The following RFX4 variants were observed in gnomAD, a reference collection of about 807,000 sequenced individuals.
The protein encoded by RFX4 is regulatory factor X4, also known as transcription factor RFX4.
A neutral mutation model predicts 95.0 loss-of-function variants in RFX4; 10 were observed. The ratio of observed to expected loss-of-function variants is 0.11; its 90% CI spans 0.06 to 0.18. The LOEUF (loss-of-function observed/expected upper bound fraction) is 0.18. Ranked by LOEUF, RFX4 falls within the 10% of genes least tolerant of loss-of-function variation. The probability of loss-of-function intolerance (pLI) is 1.00; values close to 1 mark genes in which losing one functional copy is unlikely to be tolerated. For synonymous variants in RFX4, 321 were observed against 340.7 expected, an observed-to-expected ratio of 0.94 and a Z score of 0.64; for missense variants, 640 against 922.0, an observed-to-expected ratio of 0.69 and a Z score of 3.96.
chr12:106,600,866 C>A (rs1239508591), intron 1 of RFX4, among the ~76,000 whole-genome samples: 1 of 152,158 alleles, frequency 6.6e-6, no homozygotes, highest in African/African-American at 2.4e-5. Flanking sequence ...AAAAAGCACC[C>A]CCACCTCTCT....
At chr12:106,610,167 G>A (rs1188119903) in intron 2 of RFX4, among the ~76,000 whole-genome samples, 1 of 150,050 alleles carries the variant, frequency 6.7e-6, no homozygotes, top group South Asian at 2.1e-4. Flanking sequence ...GAACCTGGGA[G>A]GCAGAGCTTG....
intron 2 of RFX4, among the ~76,000 whole-genome samples, chr12:106,630,024 G>A (rs1391585752): frequency 6.6e-6 from 1 of 152,176 alleles, no homozygotes; most frequent in Non-Finnish European, 1.5e-5. Flanking sequence ...TATGTTTATT[G>A]ATTAAAACTG....
At position 106,762,700 on chromosome 12, in the gene RFX4, C is replaced by T. The variant is rs1251647659; in HGVS notation, c.*1231C>T. 6.6e-6 allele frequency: 1 copy of T among 152,528 alleles called. No homozygotes were observed. The highest frequency in any genetic ancestry group is 1.5e-5 in the Non-Finnish European group (1 of 68,036). The allele number at this position is 152,528 out of a possible 1,614,324, so 9.4% of individuals were successfully genotyped here. ...GTAAATAAAATCTTTGATCACACCA[C>T]TCAGTGTGATAATTGTGTCTACAGC... On this transcript the variant is annotated 3_prime_UTR_variant, in exon 18 of 18. Transcript: ENST00000392842.
At chr12:106,619,363 CT>C (rs1275607522) in intron 2 of RFX4, among the ~76,000 whole-genome samples, 1 of 152,070 alleles carries the variant, frequency 6.6e-6, no homozygotes, top group South Asian at 2.1e-4. Context: ...GTTGGTGAGA[CT>C]TTTTTTAATT....
At chr12:106,689,626 C>T (rs945206308) in intron 7 of RFX4, among the ~76,000 whole-genome samples, 5 of 152,120 alleles carry the variant, frequency 3.3e-5, no homozygotes, top group Admixed American at 2.6e-4. Flanking sequence ...CCTATCAGCA[C>T]ACTAGGAAGA....
At chr12:106,751,398 C>T (rs1162957672) in intron 17 of RFX4, among the ~76,000 whole-genome samples, 3 of 149,476 alleles carry the variant, frequency 2.0e-5, no homozygotes, top group South Asian at 2.2e-4. Flanking sequence ...AATAAACATA[C>T]GTGTGCATGT....
chr12:106,707,953 C>A (rs1240258372), intron 8 of RFX4, among the ~76,000 whole-genome samples: 1 of 152,030 alleles, frequency 6.6e-6, no homozygotes, highest in Admixed American at 6.5e-5. Context: ...GCCAACATGG[C>A]GAAAGCCCAT....
intron 1 of RFX4, among the ~76,000 whole-genome samples, chr12:106,590,434 A>G (rs1310116423): frequency 2.0e-5 from 3 of 152,202 alleles, no homozygotes; most frequent in Admixed American, 6.5e-5. Flanking sequence ...AAATAGAGAA[A>G]CCAACAAGTT....
intron 2 of RFX4, 93 bp from the exon 3 acceptor site, chr12:106,639,239 C>A: frequency 9.6e-7 from 1 of 1,037,188 alleles, no homozygotes. Flanking sequence ...TTCAAAGAAA[C>A]ATAGTCTTTT....
chr12:106,668,037 C>T (rs913915483), intron 4 of RFX4, among the ~76,000 whole-genome samples: 1 of 152,138 alleles, frequency 6.6e-6, no homozygotes, highest in Non-Finnish European at 1.5e-5. Context: ...AGATGTCCCC[C>T]CCATGCCTCA....
intron 2 of RFX4, among the ~76,000 whole-genome samples, chr12:106,617,025 C>T (rs1274246551): frequency 1.3e-5 from 2 of 152,128 alleles, no homozygotes; most frequent in Non-Finnish European, 2.9e-5. Flanking sequence ...GCCTCAGCTT[C>T]CCAAAGTGCT....
rs768671093 is a variant in RFX4, at chr12:106,761,269, C to G, written c.2008C>G (p.Pro670Ala). Residue 670 changes from proline to alanine, a missense_variant, in exon 18 of 18, where the codon CCA becomes GCA. Coordinates refer to ENST00000392842, the MANE Select transcript of RFX4 (RefSeq NM_213594.3). ...MSSTPRLHPT[P>A]VTPRWPEVPS... ...CAGTACTCCCAGACTGCATCCTACCCCAGTCACTCCCCGCTGGCCAGAGGT... is the reference window on the plus strand; with the variant it reads ...CAGTACTCCCAGACTGCATCCTACCGCAGTCACTCCCCGCTGGCCAGAGGT... The G allele has an allele frequency of 6.2e-7, 1 of 1,614,040 alleles. No individual in the cohort carries two copies. The highest frequency in any genetic ancestry group is 1.3e-5 in the African/African-American group (1 of 74,924).
intron 17 of RFX4, among the ~76,000 whole-genome samples, chr12:106,759,086 C>A (rs1005758854): frequency 2.0e-5 from 3 of 152,224 alleles, no homozygotes; most frequent in African/African-American, 7.2e-5. Flanking sequence ...AAAGACCTAG[C>A]TAGCTGCCAG....
chr12:106,704,091 A>AAAG (rs2042039774), intron 8 of RFX4, among the ~76,000 whole-genome samples: 1 of 148,048 alleles, frequency 6.8e-6, no homozygotes, highest in African/African-American at 2.5e-5. Flanking sequence ...AAAAAAAAAA[A>AAAG]GGCTGAAATG....
chr12:106,673,346 A>C (rs1406843805), intron 4 of RFX4, among the ~76,000 whole-genome samples: 2 of 152,108 alleles, frequency 1.3e-5, no homozygotes, highest in South Asian at 2.1e-4. Flanking sequence ...AAGCCTGTTG[A>C]GGTTGAGCTC....
intron 2 of RFX4, among the ~76,000 whole-genome samples, chr12:106,630,252 C>T (rs1224215927): frequency 1.3e-5 from 2 of 152,170 alleles, no homozygotes; most frequent in Non-Finnish European, 2.9e-5. Flanking sequence ...GTTTCCCTCA[C>T]ATAGAAATTT....
At chr12:106,655,253 C>T (rs1051764539) in intron 4 of RFX4, among the ~76,000 whole-genome samples, 7 of 152,192 alleles carry the variant, frequency 4.6e-5, no homozygotes, top group African/African-American at 1.2e-4. Flanking sequence ...TGAGAAATGG[C>T]TCCATTCAAT....
At chr12:106,726,995 C>G (rs753886218) in intron 13 of RFX4, among the ~76,000 whole-genome samples, 1 of 152,068 alleles carries the variant, frequency 6.6e-6, no homozygotes, top group Non-Finnish European at 1.5e-5. Flanking sequence ...TGGTCAGGAA[C>G]TCCTGACCTC....
At chr12:106,756,457 C>T (rs1416480209) in intron 17 of RFX4, among the ~76,000 whole-genome samples, 1 of 152,200 alleles carries the variant, frequency 6.6e-6, no homozygotes, top group Non-Finnish European at 1.5e-5. Flanking sequence ...CTAATCACCC[C>T]CTCTCACAGA....
Sources: gnomAD v4.1 joint callset for allele counts (sites outside exome capture counted in the v4.1 genomes callset) on GRCh38, gnomAD v4.1.1 for gene constraint, MANE v1.5 for transcripts, NCBI Gene and HGNC (gene_info 2026-07-23, HGNC 2026-07-21) for gene names.